Variants in HTT-AS observed in about 807,000 individuals in gnomAD.
The protein encoded by HTT-AS is HTT antisense RNA (head to head).
intron 2 of HTT-AS, among the ~76,000 whole-genome samples, chr4:3,052,662 CT>C (rs924418639): frequency 3.3e-5 from 5 of 152,030 alleles, no homozygotes; most frequent in Admixed American, 1.3e-4. Context: ...CTGACTCCCT[CT>C]TTTTTGGGGG....
rs548695397 is a variant in HTT-AS at position 3,061,986 on chromosome 4, TAAAAAAAAAAA to T, written n.1380+437_1380+447del. On this transcript the variant is annotated intron_variant and non_coding_transcript_variant, in intron 2 of 2. Coordinates refer to ENST00000664062, the Ensembl canonical transcript of HTT-AS. ...GACAGGGCAAGACTCTATCTCAAAT[TAAAAAAAAAAA>T]AAAAAAAAAAAAAAAAGAGAGAGAG... 2.7e-4 allele frequency among the ~76,000 whole-genome samples: 17 copies of T among 63,428 alleles called. 1 individual carries two copies. In the East Asian group the frequency reaches 7.3e-3, roughly 27 times the overall value. The allele number at this position is 63,428 out of a possible 152,430, so 41.6% of individuals were successfully genotyped here. A position where few individuals can be genotyped will look rare whatever the true frequency, so the allele number is the denominator to read the frequency against.
chr4:3,048,973 C>A (rs182796099), downstream of HTT-AS, among the ~76,000 whole-genome samples: 1 of 152,214 alleles, frequency 6.6e-6, no homozygotes, highest in East Asian at 1.9e-4. Flanking sequence ...TACACTGGAC[C>A]TTCATCTTTT....
At chr4:3,049,742 T>C (rs1044515074) in intron 2 of HTT-AS, among the ~76,000 whole-genome samples, 3 of 152,262 alleles carry the variant, frequency 2.0e-5, no homozygotes, top group Non-Finnish European at 4.4e-5. Flanking sequence ...TAGAAAAATA[T>C]ACTGTAGCAT....
intron 2 of HTT-AS, among the ~76,000 whole-genome samples, chr4:3,054,234 G>T: frequency 6.6e-6 from 1 of 151,330 alleles, no homozygotes; most frequent in East Asian, 1.9e-4. Context: ...ATCTCGTATG[G>T]TAAATTCTTG....
At chr4:3,046,623 C>T (rs1262151716), downstream of HTT-AS, among the ~76,000 whole-genome samples, 1 of 152,186 alleles carries the variant, frequency 6.6e-6, no homozygotes, top group Non-Finnish European at 1.5e-5. Context: ...CTATCACCAT[C>T]GTAAATGTAC....
At chr4:3,063,531 C>T (rs949142051) in exon 2 of HTT-AS, 3 of 152,248 alleles carry the variant, frequency 2.0e-5, no homozygotes, top group African/African-American at 7.2e-5. Context: ...ACAGAAGGCC[C>T]CATCTAGATG....
intron 1 of HTT-AS, among the ~76,000 whole-genome samples, chr4:3,067,891 A>G (rs1429687431): frequency 6.6e-6 from 1 of 152,196 alleles, no homozygotes; most frequent in Non-Finnish European, 1.5e-5. Context: ...GTATCACTGC[A>G]AAACTACAGA....
At chr4:3,069,345 G>A (rs139171719) in intron 1 of HTT-AS, among the ~76,000 whole-genome samples, 13,706 of 150,608 alleles carry the variant, frequency 0.091, 1,008 homozygotes, top group African/African-American at 0.2. Flanking sequence ...TAGTAGAGAT[G>A]GGGTTTCACC....
At chr4:3,060,124 GT>G (rs1711898649) in intron 2 of HTT-AS, among the ~76,000 whole-genome samples, 2 of 152,142 alleles carry the variant, frequency 1.3e-5, no homozygotes, top group Admixed American at 6.6e-5. Flanking sequence ...CATGCTAAGT[GT>G]GATGAAATGG....
chr4:3,047,489 A>G (rs1431651147), downstream of HTT-AS, among the ~76,000 whole-genome samples: 1 of 152,184 alleles, frequency 6.6e-6, no homozygotes, highest in African/African-American at 2.4e-5. Context: ...GGCCATACAG[A>G]GATAGGAGCT....
At chr4:3,059,816 A>G (rs899348177) in intron 2 of HTT-AS, among the ~76,000 whole-genome samples, 1 of 151,864 alleles carries the variant, frequency 6.6e-6, no homozygotes, top group Non-Finnish European at 1.5e-5. Flanking sequence ...CAGGTGGTCC[A>G]CCTGCCTTGG....
chr4:3,056,761 T>C (rs1711809583), intron 2 of HTT-AS, among the ~76,000 whole-genome samples: 1 of 152,230 alleles, frequency 6.6e-6, no homozygotes. Context: ...AAATTTGTAG[T>C]AAAATACACA....
In HTT-AS at chr4:3,062,693, G is replaced by T. The variant is rs937474763; in HGVS notation, n.1121C>A. ...TCATCACCACTGTGCACTGCTGAGG[G>T]TAAGTGCGGTTCTCTGGACCTCTGC... On this transcript the variant is annotated non_coding_transcript_exon_variant, in exon 2 of 3. Transcript: ENST00000664062. Among the ~76,000 whole-genome samples the T allele has an allele frequency of 2.6e-5, 4 of 151,896 alleles. No individual in the cohort carries two copies. The East Asian group carries it at 7.8e-4, about 30-fold the overall frequency.
At chr4:3,056,553 A>G (rs1030781567) in intron 2 of HTT-AS, among the ~76,000 whole-genome samples, 1 of 152,234 alleles carries the variant, frequency 6.6e-6, no homozygotes, top group African/African-American at 2.4e-5. Flanking sequence ...ACAGAAGTAC[A>G]GAGTCCTTCT....
chr4:3,067,408 A>T (rs2110124426), intron 1 of HTT-AS, among the ~76,000 whole-genome samples: 1 of 152,354 alleles, frequency 6.6e-6, no homozygotes, highest in South Asian at 2.1e-4. Flanking sequence ...ATACTGTGAA[A>T]GCAAGTCCAG....
In HTT-AS at chr4:3,069,247, G is replaced by T. The variant is rs370510167; in HGVS notation, n.113+5179C>A. ...TGCAACCTCCTCCTCTTGGGTTCAG[G>T]CCATCCTCCCACCTAGGCCTCCAGA... On this transcript the variant is annotated intron_variant and non_coding_transcript_variant, in intron 1 of 2. Coordinates refer to ENST00000664062, the Ensembl canonical transcript of HTT-AS. 2.1e-4 allele frequency among the ~76,000 whole-genome samples: 32 copies of T among 151,680 alleles called. 1 individual carries two copies. The highest frequency in any genetic ancestry group is 6.5e-4 in the African/African-American group (27 of 41,272).
downstream of HTT-AS, among the ~76,000 whole-genome samples, chr4:3,047,730 C>G (rs56229383): frequency 6.6e-6 from 1 of 152,192 alleles, no homozygotes; most frequent in Non-Finnish European, 1.5e-5. Context: ...CAGTCAGGCC[C>G]GCCCACAGCC....
chr4:3,062,443 G>A (rs1711946977), exon 2 of HTT-AS, among the ~76,000 whole-genome samples: 1 of 152,064 alleles, frequency 6.6e-6, no homozygotes, highest in African/African-American at 2.4e-5. Context: ...CCTGGCCTTG[G>A]AGGTCTGGTG....
At chr4:3,055,685 C>A (rs1370344844) in intron 2 of HTT-AS, among the ~76,000 whole-genome samples, 1 of 152,122 alleles carries the variant, frequency 6.6e-6, no homozygotes, top group East Asian at 1.9e-4. Flanking sequence ...ATTAAGGAAC[C>A]CATTTTTACC....
Sources: gnomAD v4.1 joint callset for allele counts (sites outside exome capture counted in the v4.1 genomes callset) on GRCh38, gnomAD v4.1.1 for gene constraint, MANE v1.5 for transcripts, NCBI Gene and HGNC (gene_info 2026-07-23, HGNC 2026-07-21) for gene names.